EVI5: variants seen among roughly 807,000 people sequenced by gnomAD.
The protein encoded by EVI5 is ecotropic viral integration site 5 protein homolog.
EVI5 carries 73 observed loss-of-function variants against 112.0 expected under a neutral mutation model. The ratio of observed to expected loss-of-function variants is 0.65; its 90% CI spans 0.54 to 0.79. EVI5 has a LOEUF of 0.79. Among genes scored for constraint, EVI5 ranks in the 30% least tolerant of loss-of-function variants. The pLI, the probability that EVI5 is intolerant of heterozygous loss-of-function variation, is 0.00. For missense variants in EVI5, 900 were observed against 968.8 expected (o/e 0.93, Z 0.94); for synonymous variants, 305 against 319.9 (o/e 0.95, Z 0.50).
At chr1:92,684,071 G>A (rs1016670902) in intron 9 of EVI5, among the ~76,000 whole-genome samples, 16 of 152,110 alleles carry the variant, frequency 1.1e-4, no homozygotes, top group African/African-American at 3.6e-4. Flanking sequence ...GATACTCCTC[G>A]AGAAGAGCAA....
At chr1:92,526,343 G>A (rs553224466) in intron 19 of EVI5, among the ~76,000 whole-genome samples, 1 of 152,334 alleles carries the variant, frequency 6.6e-6, no homozygotes, top group South Asian at 2.1e-4. Context: ...ACAGGCATAA[G>A]CCGCCGTGCC....
chr1:92,585,536 T>TATTCC (rs1319896922), intron 18 of EVI5, among the ~76,000 whole-genome samples: 1 of 152,096 alleles, frequency 6.6e-6, no homozygotes, highest in African/African-American at 2.4e-5. Flanking sequence ...AGGTAGAAAA[T>TATTCC]ATTCCTCATA....
At chr1:92,546,266 A>T (rs1665679689) in intron 19 of EVI5, among the ~76,000 whole-genome samples, 1 of 152,200 alleles carries the variant, frequency 6.6e-6, no homozygotes, top group South Asian at 2.1e-4. Context: ...CACCCAGCTA[A>T]TCAGTGACAA....
chr1:92,717,891 T>TAGA (rs1674038384), intron 2 of EVI5, among the ~76,000 whole-genome samples: 1 of 149,598 alleles, frequency 6.7e-6, no homozygotes, highest in African/African-American at 2.4e-5. Flanking sequence ...AACCAGGGGT[T>TAGA]GCAATCCTAG....
At chr1:92,621,413 C>T (rs1346104337) in intron 16 of EVI5, among the ~76,000 whole-genome samples, 1 of 152,140 alleles carries the variant, frequency 6.6e-6, no homozygotes, top group Non-Finnish European at 1.5e-5. Context: ...CCGGGTTCAA[C>T]CGATTCTCCT....
intron 9 of EVI5, among the ~76,000 whole-genome samples, chr1:92,686,631 G>T (rs898177380): frequency 2.6e-5 from 4 of 152,114 alleles, no homozygotes; most frequent in African/African-American, 4.8e-5. Context: ...GACATGGTTG[G>T]ATATTTAGAA....
At chr1:92,669,547 CAA>C (rs56412396) in intron 10 of EVI5, among the ~76,000 whole-genome samples, 1 of 51,796 alleles carries the variant, frequency 1.9e-5, no homozygotes. Context: ...GGCTCTGTCT[CAA>C]AAAAAAAAAA....
At chr1:92,787,376 G>T (rs188538399), upstream of EVI5, among the ~76,000 whole-genome samples, 385 of 152,260 alleles carry the variant, frequency 2.5e-3, 1 homozygote, top group African/African-American at 8.9e-3. Context: ...GTAAGCACCT[G>T]AATTAATAAT....
intron 2 of EVI5, among the ~76,000 whole-genome samples, chr1:92,707,179 C>CAAAAAAAAAAA (rs1299441165): frequency 7.5e-5 from 2 of 26,556 alleles, no homozygotes; most frequent in Non-Finnish European, 7.8e-5. Flanking sequence ...AACTCTGTCT[C>CAAAAAAAAAAA]AAAAAAAAAA....
At chr1:92,665,819 C>CT (rs1223648000) in intron 11 of EVI5, 120 bp downstream of exon 11, 3 of 602,364 alleles carry the variant, frequency 5.0e-6, no homozygotes, top group Non-Finnish European at 8.6e-6. Flanking sequence ...GGTAAGCAAG[C>CT]TAAGCAGTCA....
At chr1:92,738,488 G>GT (rs1677812601) in intron 1 of EVI5, among the ~76,000 whole-genome samples, 1 of 152,052 alleles carries the variant, frequency 6.6e-6, no homozygotes, top group African/African-American at 2.4e-5. Flanking sequence ...CCCCTACTCA[G>GT]TAAGTTAATT....
rs371959112 is a variant in EVI5 at position 92,519,896 on chromosome 1, TAA to T, written c.2167-5928_2167-5927del. On this transcript the variant is annotated intron_variant, in intron 19 of 19. Transcript: ENST00000684568. ...GGGCAACAGAGTAAGACTCTGTCTTTAAAAAAAAAAAAAAAAAAAGAATATGA... is the reference window on the plus strand; with the variant it reads ...GGGCAACAGAGTAAGACTCTGTCTTTAAAAAAAAAAAAAAAAAGAATATGA... Among the ~76,000 whole-genome samples the T allele has an allele frequency of 5.9e-4, 70 of 118,968 alleles. 1 individual carries two copies. Among genetic ancestry groups the T allele is most frequent in the African/African-American group, 7.2e-4 (23 of 32,166 alleles). 78.0% of individuals were successfully genotyped at this position (118,968 alleles called of 152,430 possible).
At chr1:92,575,657 C>T (rs1670960221) in intron 18 of EVI5, among the ~76,000 whole-genome samples, 1 of 141,026 alleles carries the variant, frequency 7.1e-6, no homozygotes, top group African/African-American at 2.7e-5. Flanking sequence ...GCAATCTCTG[C>T]TTCCTGGGTT....
intron 16 of EVI5, among the ~76,000 whole-genome samples, chr1:92,614,840 TTATA>T (rs561640520): frequency 0.053 from 625 of 11,810 alleles, 2 homozygotes; most frequent in Admixed American, 0.072. Context: ...ATGTTATATT[TTATA>T]TATATATATA....
intron 2 of EVI5, among the ~76,000 whole-genome samples, chr1:92,724,783 G>A (rs1675300816): frequency 1.3e-5 from 2 of 152,012 alleles, no homozygotes; most frequent in African/African-American, 2.4e-5. Flanking sequence ...ACTCCAGCCT[G>A]AGCAACAGAG....
At chr1:92,681,827 T>C (rs993347883) in intron 9 of EVI5, among the ~76,000 whole-genome samples, 1 of 152,204 alleles carries the variant, frequency 6.6e-6, no homozygotes, top group Admixed American at 6.5e-5. Context: ...AAATAAATTT[T>C]AATCATATTT....
intron 2 of EVI5, among the ~76,000 whole-genome samples, chr1:92,733,484 G>A (rs1676829199): frequency 6.7e-6 from 1 of 149,382 alleles, no homozygotes; most frequent in East Asian, 2.0e-4. Context: ...TCAGCTAACT[G>A]CAACCTCCAC....
At chr1:92,595,453 A>C (rs1647503443) in intron 18 of EVI5, among the ~76,000 whole-genome samples, 1 of 152,188 alleles carries the variant, frequency 6.6e-6, no homozygotes, top group African/African-American at 2.4e-5. Flanking sequence ...ATTAGGAGAT[A>C]TACCTAATGT....
chr1:92,611,907 G>C (rs1343255658), intron 16 of EVI5, among the ~76,000 whole-genome samples: 1 of 151,390 alleles, frequency 6.6e-6, no homozygotes, highest in Non-Finnish European at 1.5e-5. Context: ...ACAAAACAGT[G>C]AGACCCTATT....
Sources: allele counts gnomAD v4.1 joint callset (sites outside exome capture counted in the v4.1 genomes callset), GRCh38; gene constraint gnomAD v4.1.1; transcripts MANE v1.5; gene names NCBI Gene and HGNC (gene_info 2026-07-23, HGNC 2026-07-21).